The following CELA2B variants were observed in gnomAD, a reference collection of about 807,000 sequenced individuals.
CELA2B encodes chymotrypsin like elastase 2B.
In CELA2B, 27 loss-of-function variants were observed where a neutral mutation model predicts 36.5. The ratio of observed to expected loss-of-function variants is 0.74; its 90% CI spans 0.55 to 1.02. The LOEUF (loss-of-function observed/expected upper bound fraction) is 1.02, where lower values mean the gene tolerates loss of function less well. Ranked by LOEUF, CELA2B falls within the 50% of genes least tolerant of loss-of-function variation. The probability of loss-of-function intolerance (pLI) is 0.00; values close to 1 mark genes in which losing one functional copy is unlikely to be tolerated. For synonymous variants in CELA2B, 143 were observed against 148.5 expected, an observed-to-expected ratio of 0.96 and a Z score of 0.27; for missense variants, 340 against 347.8, an observed-to-expected ratio of 0.98 and a Z score of 0.18.
At chr1:15,476,935 T>C (rs1708681085) in intron 2 of CELA2B, among the ~76,000 whole-genome samples, 1 of 151,968 alleles carries the variant, frequency 6.6e-6, no homozygotes, top group African/African-American at 2.4e-5. Flanking sequence ...TGAGCTGAGA[T>C]CGCACCACTA....
At chr1:15,490,483 T>C (rs1238189190) in intron 7 of CELA2B, among the ~76,000 whole-genome samples, 1 of 152,242 alleles carries the variant, frequency 6.6e-6, no homozygotes, top group Non-Finnish European at 1.5e-5. Flanking sequence ...ATGAACATCC[T>C]TGGACATAAT....
At chr1:15,476,224 A>C in intron 1 of CELA2B, 59 bp downstream of exon 1, 1 of 1,610,688 alleles carries the variant, frequency 6.2e-7, no homozygotes, top group East Asian at 2.2e-5. Flanking sequence ...TGGAAATGGG[A>C]TCTTCCTGTC....
intron 5 of CELA2B, among the ~76,000 whole-genome samples, chr1:15,485,281 G>A (rs1708791002): frequency 6.6e-6 from 1 of 152,184 alleles, no homozygotes; most frequent in South Asian, 2.1e-4. Flanking sequence ...AACAGTAATG[G>A]AGGTGATGGT....
At chr1:15,489,304 C>T (rs575893041) in intron 7 of CELA2B, among the ~76,000 whole-genome samples, 76 of 152,368 alleles carry the variant, frequency 5.0e-4, no homozygotes, top group Non-Finnish European at 1.0e-3. Context: ...GATCCCAAAG[C>T]ATGGCCAGAT....
chr1:15,485,957 G>A lies in CELA2B; in HGVS notation c.550G>A (p.Ala184Thr), dbSNP rs1462759187. ...KQGQLLVVDY[A>T]TCSSSGWWGS... The stretch of plus-strand genomic sequence containing the variant: ...GGGCCAGTTGCTGGTTGTGGACTAT[G>A]CCACCTGCTCCAGCTCTGGCTGGTG... The change falls in exon 6 of 8, where the codon GCC becomes ACC. Residue 184 changes from alanine to threonine, a missense_variant. By Grantham distance (58) the Ala-to-Thr change is moderately conservative. Transcript: ENST00000375910. 1.9e-6 allele frequency: 3 copies of A among 1,614,172 alleles called. No individual in the cohort carries two copies. The highest frequency in any genetic ancestry group is 2.5e-6 in the Non-Finnish European group (3 of 1,180,018).
At chr1:15,491,184 G>A (rs1708886635) in intron 7 of CELA2B, 111 bp from the exon 8 acceptor site, 1 of 1,239,504 alleles carries the variant, frequency 8.1e-7, no homozygotes, top group Non-Finnish European at 1.2e-6. Flanking sequence ...AGTGTGGGCT[G>A]CCTGTGACTC....
intron 5 of CELA2B, among the ~76,000 whole-genome samples, chr1:15,484,120 A>T (rs74924154): frequency 6.6e-6 from 1 of 152,154 alleles, no homozygotes; most frequent in East Asian, 1.9e-4. Flanking sequence ...AGTTCAGAAC[A>T]GCATTTCCTC....
chr1:15,484,034 A>T lies in CELA2B; in HGVS notation c.493+634A>T, dbSNP rs181579036. ...TGGCATGTGGTAGGTGCTGTGTGTT[A>T]GTTGTTGTCACTGTCCCTATGATGG... On this transcript the variant is annotated intron_variant, in intron 5 of 7. Transcript: ENST00000375910. Among the ~76,000 whole-genome samples the T allele has an allele frequency of 3.2e-3, 493 of 152,268 alleles. 1 individual carries two copies. Among genetic ancestry groups the T allele is most frequent in the Middle Eastern group, 6.8e-3 (2 of 294 alleles).
chr1:15,491,212 C>T (rs1708887387), intron 7 of CELA2B, 83 bp from the exon 8 acceptor site: 1 of 1,555,498 alleles, frequency 6.4e-7, no homozygotes, highest in Admixed American at 1.7e-5. Flanking sequence ...TAGCTTAGCC[C>T]AGGAGGACAG....
chr1:15,479,393 A>T (rs1016902903), intron 2 of CELA2B, among the ~76,000 whole-genome samples: 8 of 151,992 alleles, frequency 5.3e-5, no homozygotes, highest in Non-Finnish European at 1.2e-4. Flanking sequence ...AAAAGTAAAA[A>T]AAATCAGCAG....
At chr1:15,484,397 C>T (rs998362706) in intron 5 of CELA2B, among the ~76,000 whole-genome samples, 6 of 152,050 alleles carry the variant, frequency 3.9e-5, no homozygotes, top group African/African-American at 1.2e-4. Context: ...ACCTTATGAC[C>T]GTAATGACAT....
rs3820071 is a variant in CELA2B at position 15,482,272 on chromosome 1, G to A, written c.235G>A (p.Gly79Arg). 422,811 of 1,613,282 alleles carry A rather than the reference G, an allele frequency of 0.26. 58,965 individuals carry two copies. The highest frequency in any genetic ancestry group is 0.55 in the East Asian group (24,680 of 44,814). Residue 79 changes from glycine to arginine, a missense_variant, in exon 4 of 8, where the codon GGG becomes AGG. Coordinates refer to ENST00000375910, the MANE Select transcript of CELA2B (RefSeq NM_015849.3). ...LTAAHCISSS[G>R]IYRVMLGQHN... ...GGGACCCCTTTCTCCCAGCTCCTCC[G>A]GGATCTACCGCGTGATGCTGGGCCA... is the stretch of plus-strand genomic sequence containing the variant.
chr1:15,487,203 A>G (rs1481575487), intron 6 of CELA2B, 82 bp from the exon 7 acceptor site: 2 of 1,325,134 alleles, frequency 1.5e-6, no homozygotes, highest in African/African-American at 1.4e-5. Context: ...CAGCAGAACA[A>G]TAGAAATGCA....
chr1:15,491,324 C>T lies in CELA2B; in HGVS notation c.*12C>T, dbSNP rs766196567. The T allele has an allele frequency of 5.9e-5, 95 of 1,613,850 alleles. No individual in the cohort carries two copies. Among genetic ancestry groups the T allele is most frequent in the Non-Finnish European group, 7.5e-5 (88 of 1,179,970 alleles). On this transcript the variant is annotated 3_prime_UTR_variant, in exon 8 of 8. Transcript: ENST00000375910. ...TTGCAAATAACTAACCAAAAGAAGT[C>T]CCTGGGACTGTTTCAGACTTGGAAA...
At chr1:15,479,124 G>T (rs1708711419) in intron 2 of CELA2B, among the ~76,000 whole-genome samples, 1 of 152,154 alleles carries the variant, frequency 6.6e-6, no homozygotes, top group Non-Finnish European at 1.5e-5. Flanking sequence ...TTTTAAATTG[G>T]GGTGGGGGAG....
chr1:15,480,051 T>G (rs1708720905), intron 2 of CELA2B, among the ~76,000 whole-genome samples: 1 of 152,024 alleles, frequency 6.6e-6, no homozygotes, highest in South Asian at 2.1e-4. Flanking sequence ...CTGACTTCCA[T>G]TCAAAAAGGA....
rs377364021 is a variant in CELA2B, at chr1:15,487,422, C to T, written c.777C>T (p.Asn259=). The T allele has an allele frequency of 6.3e-5, 102 of 1,614,136 alleles. No individual in the cohort carries two copies. The highest frequency in any genetic ancestry group is 8.9e-5 in the East Asian group (4 of 44,900). The stretch of plus-strand genomic sequence containing the variant: ...TCTTCACGCGGGTCTCCAACTACAA[C>T]GACTGGATCAATTCGGTAAGAACCG... ...PSIFTRVSNY[N]DWINSVIANN Residue 259 remains asparagine, a synonymous_variant, in exon 7 of 8, where the codon AAC becomes AAT. Transcript: ENST00000375910.
At chr1:15,485,017 C>T (rs1164749039) in intron 5 of CELA2B, among the ~76,000 whole-genome samples, 1 of 152,022 alleles carries the variant, frequency 6.6e-6, no homozygotes, top group Non-Finnish European at 1.5e-5. Flanking sequence ...CCTGCCTCAG[C>T]CTCCTGAGCA....
chr1:15,482,704 C>T (rs1419853094), intron 4 of CELA2B, among the ~76,000 whole-genome samples: 1 of 152,154 alleles, frequency 6.6e-6, no homozygotes, highest in African/African-American at 2.4e-5. Flanking sequence ...TGCTGTCGAC[C>T]CTGTGACTGT....
Sources: gnomAD v4.1 joint callset for allele counts (sites outside exome capture counted in the v4.1 genomes callset) on GRCh38, gnomAD v4.1.1 for gene constraint, MANE v1.5 for transcripts, NCBI Gene and HGNC (gene_info 2026-07-23, HGNC 2026-07-21) for gene names.